Variants in ASAP1 observed in about 807,000 individuals in gnomAD.
ASAP1 encodes ArfGAP with SH3 domain, ankyrin repeat and PH domain 1, also known as arf-GAP with SH3 domain, ANK repeat and PH domain-containing protein 1.
A neutral mutation model predicts 145.2 loss-of-function variants in ASAP1; 43 were observed. That is an observed-to-expected ratio of 0.30 (90% CI 0.23 to 0.38). The LOEUF (loss-of-function observed/expected upper bound fraction) is 0.38. Ranked by LOEUF, ASAP1 falls within the 10% of genes least tolerant of loss-of-function variation. The pLI is 1.00. For synonymous variants in ASAP1, 546 were observed against 515.5 expected (o/e 1.06, Z -0.80); for missense variants, 1,018 against 1,355.3 (o/e 0.75, Z 3.91).
chr8:130,105,993 CA>C (rs1443489895), intron 24 of ASAP1, among the ~76,000 whole-genome samples: 1 of 152,186 alleles, frequency 6.6e-6, no homozygotes, highest in Non-Finnish European at 1.5e-5. Flanking sequence ...GCCAGAGGCA[CA>C]ACAAGGATTT....
chr8:130,370,225 C>A (rs1234450776), intron 2 of ASAP1, among the ~76,000 whole-genome samples: 1 of 152,130 alleles, frequency 6.6e-6, no homozygotes, highest in African/African-American at 2.4e-5. Context: ...TAGCTTGAAC[C>A]CAGGAGGCGG....
At chr8:130,214,061 T>C (rs1033161785) in intron 5 of ASAP1, among the ~76,000 whole-genome samples, 4 of 152,206 alleles carry the variant, frequency 2.6e-5, no homozygotes, top group African/African-American at 7.2e-5. Flanking sequence ...GTTAAAAGGA[T>C]GTGGGGAGTT....
At chr8:130,099,786 G>A (rs1390673957) in intron 24 of ASAP1, among the ~76,000 whole-genome samples, 1 of 143,560 alleles carries the variant, frequency 7.0e-6, no homozygotes, top group Non-Finnish European at 1.5e-5. Flanking sequence ...TGATCCACCC[G>A]CCTCGGCCTC....
At chr8:130,383,311 G>T (rs955001311) in intron 2 of ASAP1, among the ~76,000 whole-genome samples, 1 of 152,194 alleles carries the variant, frequency 6.6e-6, no homozygotes, top group Non-Finnish European at 1.5e-5. Context: ...GAGCGTGGGT[G>T]CATGTCCACA....
At chr8:130,226,043 C>CT (rs200033813) in intron 4 of ASAP1, among the ~76,000 whole-genome samples, 2,210 of 140,006 alleles carry the variant, frequency 0.016, 67 homozygotes, top group African/African-American at 0.053. Context: ...CCATGCTTGG[C>CT]TTTTTTTTTT....
chr8:130,438,471 T>C (rs897354684), intron 1 of ASAP1, among the ~76,000 whole-genome samples: 8 of 152,038 alleles, frequency 5.3e-5, no homozygotes, highest in African/African-American at 1.9e-4. Flanking sequence ...GTTTTAGCCA[T>C]ACAAAAGGAA....
intron 4 of ASAP1, among the ~76,000 whole-genome samples, chr8:130,226,653 T>C (rs1201064491): frequency 1.3e-5 from 2 of 152,160 alleles, no homozygotes; most frequent in East Asian, 3.8e-4. Flanking sequence ...TCAGCATGCA[T>C]ATTCTCATTT....
intron 15 of ASAP1, among the ~76,000 whole-genome samples, chr8:130,129,774 T>C (rs185498508): frequency 1.3e-5 from 2 of 152,270 alleles, no homozygotes; most frequent in African/African-American, 2.4e-5. Context: ...CTTCAGTATG[T>C]TGGGAGAAAC....
At chr8:130,290,887 G>A (rs1304278140) in intron 3 of ASAP1, among the ~76,000 whole-genome samples, 1 of 152,130 alleles carries the variant, frequency 6.6e-6, no homozygotes, top group Non-Finnish European at 1.5e-5. Flanking sequence ...GATGTGGCTT[G>A]GGTTAAAGGG....
rs181155273 is a variant in ASAP1, at chr8:130,178,016, T to C, written c.746+1248A>G. On this transcript the variant is annotated intron_variant, in intron 9 of 29. Coordinates refer to ENST00000518721, the MANE Select transcript of ASAP1 (RefSeq NM_018482.4). ...GTTAACCAGCTGCAGAGCCAAAATG[T>C]TGACTCATCTAATTTGTCTAACCCA... 5.5e-3 allele frequency among the ~76,000 whole-genome samples: 841 copies of C among 152,326 alleles called. 1 individual carries two copies. Among genetic ancestry groups the C allele is most frequent in the Non-Finnish European group, 6.3e-3 (426 of 68,018 alleles).
chr8:130,088,478 C>T (rs933742819), intron 25 of ASAP1, among the ~76,000 whole-genome samples: 2 of 152,032 alleles, frequency 1.3e-5, no homozygotes, highest in Non-Finnish European at 2.9e-5. Flanking sequence ...GTTCTGAGAA[C>T]ACAGAGAGGC....
At chr8:130,088,161 G>A (rs1218509068) in intron 25 of ASAP1, among the ~76,000 whole-genome samples, 1 of 151,990 alleles carries the variant, frequency 6.6e-6, no homozygotes, top group Non-Finnish European at 1.5e-5. Flanking sequence ...AAGGAGTTTC[G>A]CTCTTGTTGC....
At chr8:130,345,195 G>T (rs1339778330) in intron 3 of ASAP1, among the ~76,000 whole-genome samples, 1 of 152,186 alleles carries the variant, frequency 6.6e-6, no homozygotes, top group Non-Finnish European at 1.5e-5. Context: ...AAATGCTGGA[G>T]AGTAAACTCA....
chr8:130,296,795 A>G (rs1822308536), intron 3 of ASAP1, among the ~76,000 whole-genome samples: 1 of 152,152 alleles, frequency 6.6e-6, no homozygotes, highest in South Asian at 2.1e-4. Flanking sequence ...CTTTCCAAGC[A>G]GGTAAAATTT....
At chr8:130,400,622 TAAAA>T (rs113187171) in intron 2 of ASAP1, among the ~76,000 whole-genome samples, 4 of 150,720 alleles carry the variant, frequency 2.7e-5, no homozygotes, top group Non-Finnish European at 5.9e-5. Context: ...CCGTCTCTAC[TAAAA>T]AAAAATACAA....
chr8:130,355,177 C>G lies in ASAP1; in HGVS notation c.186+2840G>C, dbSNP rs149563780. Among the ~76,000 whole-genome samples, 168 of 152,310 alleles carry G rather than the reference C, an allele frequency of 1.1e-3. 2 individuals carry two copies. Among genetic ancestry groups the G allele is most frequent in the Non-Finnish European group, 2.1e-3 (140 of 68,028 alleles). ...TACAGGTATGACCCACCACGCCCAG[C>G]CTTCTTACCATATATTTCTCATCTA... is the stretch of plus-strand genomic sequence containing the variant. On this transcript the variant is annotated intron_variant, in intron 3 of 29. Transcript: ENST00000518721.
chr8:130,134,381 G>A, intron 14 of ASAP1, 37 bp from the exon 15 acceptor site: 1 of 1,391,066 alleles, frequency 7.2e-7, no homozygotes, highest in Non-Finnish European at 9.8e-7. Flanking sequence ...TGAAACCTTA[G>A]AAAGCAGGGT....
At chr8:130,388,144 GAGCATGA>G (rs1166613906) in intron 2 of ASAP1, among the ~76,000 whole-genome samples, 1 of 152,232 alleles carries the variant, frequency 6.6e-6, no homozygotes, top group Non-Finnish European at 1.5e-5. Context: ...GGCAGAAGAA[GAGCATGA>G]AGCAGGGTCC....
chr8:130,145,355 T>A (rs956259666), intron 13 of ASAP1, among the ~76,000 whole-genome samples: 6 of 152,216 alleles, frequency 3.9e-5, no homozygotes, highest in African/African-American at 1.2e-4. Flanking sequence ...TCTCGCTCTG[T>A]TGCCCAGACT....
Sources: gnomAD v4.1 joint callset for allele counts (sites outside exome capture counted in the v4.1 genomes callset) on GRCh38, gnomAD v4.1.1 for gene constraint, MANE v1.5 for transcripts, NCBI Gene and HGNC (gene_info 2026-07-23, HGNC 2026-07-21) for gene names.